CHSY3: variants seen among roughly 807,000 people sequenced by gnomAD.
The protein encoded by CHSY3 is N-acetylgalactosaminyl-proteoglycan 3-beta-glucuronosyltransferase 3.
In CHSY3, 35 loss-of-function variants were observed where a neutral mutation model predicts 67.2. The ratio of observed to expected loss-of-function variants is 0.52; its 90% CI spans 0.40 to 0.69. The LOEUF (loss-of-function observed/expected upper bound fraction) is 0.69, where lower values mean the gene tolerates loss of function less well. CHSY3 is among the 30% of genes least tolerant of loss of function. CHSY3 has a pLI of 0.00. For synonymous variants in CHSY3, 474 were observed against 434.7 expected, an observed-to-expected ratio of 1.09 and a Z score of -1.12; for missense variants, 1,069 against 1,138.5, an observed-to-expected ratio of 0.94 and a Z score of 0.88.
chr5:130,073,832 T>C (rs1465437162), intron 2 of CHSY3, among the ~76,000 whole-genome samples: 2 of 152,208 alleles, frequency 1.3e-5, no homozygotes, highest in Non-Finnish European at 2.9e-5. Flanking sequence ...TAACAGACTT[T>C]AGTGACAGGC....
chr5:130,031,809 T>C (rs1283011293), intron 2 of CHSY3, among the ~76,000 whole-genome samples: 1 of 152,160 alleles, frequency 6.6e-6, no homozygotes, highest in East Asian at 1.9e-4. Context: ...GTGTTACAAA[T>C]TGACATTTGG....
intron 2 of CHSY3, among the ~76,000 whole-genome samples, chr5:129,928,703 ATAATC>A (rs1455338339): frequency 6.6e-6 from 1 of 152,160 alleles, no homozygotes; most frequent in Non-Finnish European, 1.5e-5. Context: ...CTGATGAACA[ATAATC>A]TAAATGAACA....
chr5:129,977,071 C>G (rs1213412690), intron 2 of CHSY3, among the ~76,000 whole-genome samples: 4 of 152,032 alleles, frequency 2.6e-5, no homozygotes, highest in African/African-American at 7.2e-5. Context: ...TACCTCGAAT[C>G]TGAAAAATAA....
intron 2 of CHSY3, among the ~76,000 whole-genome samples, chr5:130,010,316 A>G (rs919270239): frequency 7.2e-5 from 11 of 152,180 alleles, no homozygotes; most frequent in African/African-American, 1.9e-4. Context: ...TTATAACTCA[A>G]TTACAAGAAG....
At chr5:129,970,725 TA>T (rs1174975120) in intron 2 of CHSY3, among the ~76,000 whole-genome samples, 3 of 151,792 alleles carry the variant, frequency 2.0e-5, no homozygotes. Flanking sequence ...CTCATACTTA[TA>T]AAGAAGATAT....
intron 2 of CHSY3, among the ~76,000 whole-genome samples, chr5:130,025,613 A>C (rs1764519744): frequency 6.6e-6 from 1 of 152,132 alleles, no homozygotes; most frequent in Non-Finnish European, 1.5e-5. Flanking sequence ...GAGGCTGAGA[A>C]GTCCCAGATC....
At chr5:130,180,388 C>CAT (rs1480803871) in intron 2 of CHSY3, among the ~76,000 whole-genome samples, 2 of 151,994 alleles carry the variant, frequency 1.3e-5, no homozygotes, top group African/African-American at 2.4e-5. Context: ...AAATTTTCTT[C>CAT]ATATATATAT....
intron 2 of CHSY3, among the ~76,000 whole-genome samples, chr5:130,144,601 T>C (rs1769015062): frequency 6.6e-6 from 1 of 152,096 alleles, no homozygotes; most frequent in Admixed American, 6.6e-5. Context: ...ACAGATTCAA[T>C]ATAATTCTTA....
At chr5:130,030,617 GT>G (rs1053347369) in intron 2 of CHSY3, among the ~76,000 whole-genome samples, 2 of 152,046 alleles carry the variant, frequency 1.3e-5, no homozygotes, top group African/African-American at 4.8e-5. Context: ...TTTAAATACT[GT>G]TTTTGAAAAG....
intron 2 of CHSY3, among the ~76,000 whole-genome samples, chr5:129,924,942 T>C (rs950255587): frequency 6.6e-6 from 1 of 152,188 alleles, no homozygotes; most frequent in African/African-American, 2.4e-5. Flanking sequence ...TTGTTTATTC[T>C]ACATTTACTG....
intron 2 of CHSY3, among the ~76,000 whole-genome samples, chr5:130,153,278 C>T (rs768424374): frequency 1.1e-4 from 17 of 151,836 alleles, no homozygotes; most frequent in Non-Finnish European, 2.2e-4. Context: ...CTTGCCCCAA[C>T]CTGGAAAATT....
Position 129,982,563 on chromosome 5 carries a change from C to T in CHSY3, c.1086+74203C>T, listed in dbSNP as rs188288760. On this transcript the variant is annotated intron_variant, in intron 2 of 2. Coordinates refer to ENST00000305031, the MANE Select transcript of CHSY3 (RefSeq NM_175856.5). ...TAATTTTCTTTTGTACGATTCAGAA[C>T]TATATTTTTTTAAAGGGTAAAGAAC... Among the ~76,000 whole-genome samples the T allele has an allele frequency of 2.0e-4, 31 of 151,984 alleles. No individual in the cohort carries two copies. In the East Asian group the frequency reaches 5.4e-3, roughly 27 times the overall value.
chr5:130,107,566 A>C (rs959138112), intron 2 of CHSY3, among the ~76,000 whole-genome samples: 1 of 151,592 alleles, frequency 6.6e-6, no homozygotes, highest in African/African-American at 2.4e-5. Context: ...TGCTTTATAC[A>C]TACATATACC....
intron 2 of CHSY3, among the ~76,000 whole-genome samples, chr5:130,090,345 C>G (rs2149692352): frequency 6.6e-6 from 1 of 152,256 alleles, no homozygotes; most frequent in African/African-American, 2.4e-5. Flanking sequence ...TTCCAATTCC[C>G]TAGCATGCTG....
chr5:129,986,669 G>A (rs963424364), intron 2 of CHSY3, among the ~76,000 whole-genome samples: 2 of 151,896 alleles, frequency 1.3e-5, no homozygotes, highest in African/African-American at 4.8e-5. Flanking sequence ...TTGAGACAGG[G>A]TCACACTCTG....
At chr5:130,088,952 G>A (rs1297287434) in intron 2 of CHSY3, among the ~76,000 whole-genome samples, 1 of 151,970 alleles carries the variant, frequency 6.6e-6, no homozygotes, top group Non-Finnish European at 1.5e-5. Flanking sequence ...ATTCACAATA[G>A]CAAAGACTTG....
At chr5:130,073,424 A>T (rs1300626051) in intron 2 of CHSY3, among the ~76,000 whole-genome samples, 2 of 151,774 alleles carry the variant, frequency 1.3e-5, no homozygotes, top group Admixed American at 1.3e-4. Flanking sequence ...AGTGGCTGGG[A>T]TTACAGGCAT....
intron 2 of CHSY3, among the ~76,000 whole-genome samples, chr5:129,985,824 G>T (rs2149626229): frequency 6.6e-6 from 1 of 152,100 alleles, no homozygotes; most frequent in African/African-American, 2.4e-5. Context: ...CTCTCAGCTT[G>T]GACATTATTG....
At chr5:130,114,979 G>A (rs914994259) in intron 2 of CHSY3, among the ~76,000 whole-genome samples, 7 of 152,038 alleles carry the variant, frequency 4.6e-5, no homozygotes, top group African/African-American at 1.7e-4. Flanking sequence ...GGGATCTATA[G>A]CTATCACTTT....
Sources: gnomAD v4.1 joint callset for allele counts (sites outside exome capture counted in the v4.1 genomes callset) on GRCh38, gnomAD v4.1.1 for gene constraint, MANE v1.5 for transcripts, NCBI Gene and HGNC (gene_info 2026-07-23, HGNC 2026-07-21) for gene names.